LRRC3B: variants seen among roughly 807,000 people sequenced by gnomAD.
LRRC3B encodes the protein leucine-rich repeat-containing protein 3B.
Under a neutral mutation model 12.8 loss-of-function variants are expected in LRRC3B, and 2 were observed. The ratio of observed to expected loss-of-function variants is 0.16; its 90% CI spans 0.06 to 0.49. LRRC3B has a LOEUF of 0.49. LRRC3B is among the 20% of genes least tolerant of loss of function. LRRC3B has a pLI of 0.96. For missense variants in LRRC3B, 189 were observed against 319.4 expected, an observed-to-expected ratio of 0.59 and a Z score of 3.11; for synonymous variants, 132 against 122.0, an observed-to-expected ratio of 1.08 and a Z score of -0.54.
chr3:26,624,948 G>A (rs1484068650), intron 1 of LRRC3B: 1 of 152,204 alleles, frequency 6.6e-6, no homozygotes, highest in Non-Finnish European at 1.5e-5. Flanking sequence ...TCCTGGTGGG[G>A]GCACAGTGAC....
rs142724213 is a variant in LRRC3B at position 26,681,449 on chromosome 3, T to C, written c.-160-28064T>C. ...TGTCTCTGCTCAGCAAGAGAGAATA[T>C]TCCATAATGTCTATGAGCTCAGGCT... On this transcript the variant is annotated intron_variant, in intron 1 of 1. Transcript: ENST00000396641. Among the ~76,000 whole-genome samples the C allele has an allele frequency of 7.5e-3, 1,143 of 152,322 alleles. 16 individuals are homozygous for C. The highest frequency in any genetic ancestry group is 0.025 in the African/African-American group (1,035 of 41,572).
intron 1 of LRRC3B, among the ~76,000 whole-genome samples, chr3:26,659,912 T>C (rs1397936516): frequency 6.6e-6 from 1 of 152,200 alleles, no homozygotes; most frequent in Admixed American, 6.6e-5. Flanking sequence ...AGGTGTTTCA[T>C]GAGGAAAGTA....
intron 1 of LRRC3B, among the ~76,000 whole-genome samples, chr3:26,628,329 T>TA (rs1559347231): frequency 6.7e-6 from 1 of 149,358 alleles, no homozygotes; most frequent in African/African-American, 2.5e-5. Flanking sequence ...TGAAAAAAAA[T>TA]AATCAAGATT....
chr3:26,687,551 G>T (rs541252360), intron 1 of LRRC3B, among the ~76,000 whole-genome samples: 2 of 152,130 alleles, frequency 1.3e-5, no homozygotes, highest in Non-Finnish European at 2.9e-5. Flanking sequence ...GTTAGAGGGA[G>T]CTACCCCCAC....
At chr3:26,633,349 T>A (rs1698800376) in intron 1 of LRRC3B, among the ~76,000 whole-genome samples, 1 of 152,160 alleles carries the variant, frequency 6.6e-6, no homozygotes, top group East Asian at 1.9e-4. Context: ...ATGGGTATAA[T>A]AATAGGTAGT....
chr3:26,704,717 A>ATTAGT (rs1460857868), intron 1 of LRRC3B, among the ~76,000 whole-genome samples: 2 of 152,082 alleles, frequency 1.3e-5, no homozygotes, highest in African/African-American at 4.8e-5. Context: ...CATTTTTTAA[A>ATTAGT]TTAGTTTATC....
rs1195473054 is a variant in LRRC3B at position 26,671,373 on chromosome 3, T to TAGAGAGAGAGAGAGAGAGAGAGAGAG, written c.-160-38124_-160-38099dup. Among the ~76,000 whole-genome samples, 12 of 28,248 alleles carry TAGAGAGAGAGAGAGAGAGAGAGAGAG rather than the reference T, an allele frequency of 4.2e-4. 1 individual carries two copies. Among genetic ancestry groups the TAGAGAGAGAGAGAGAGAGAGAGAGAG allele is most frequent in the Admixed American group, 6.9e-4 (1 of 1,454 alleles). The allele number at this position is 28,248 out of a possible 152,430, so 18.5% of individuals were successfully genotyped here. On this transcript the variant is annotated intron_variant, in intron 1 of 1. Coordinates refer to ENST00000396641, the Ensembl canonical transcript of LRRC3B. ...GTGTATATATATATATATATATATA[T>TAGAGAGAGAGAGAGAGAGAGAGAGAG]AGAGAGAGAGAGAGAGAGAGAGAGA...
At chr3:26,695,889 G>A (rs938280034) in intron 1 of LRRC3B, among the ~76,000 whole-genome samples, 1 of 152,166 alleles carries the variant, frequency 6.6e-6, no homozygotes, top group Non-Finnish European at 1.5e-5. Context: ...GGGCATTTCG[G>A]CCTCCTCAGG....
chr3:26,649,914 C>T (rs1407632108), intron 1 of LRRC3B, among the ~76,000 whole-genome samples: 1 of 152,102 alleles, frequency 6.6e-6, no homozygotes, highest in Admixed American at 6.6e-5. Flanking sequence ...GTAGCCCCCA[C>T]TTGGAACTTT....
chr3:26,654,118 T>C (rs1699322171), intron 1 of LRRC3B, among the ~76,000 whole-genome samples: 3 of 152,196 alleles, frequency 2.0e-5, no homozygotes, highest in African/African-American at 7.2e-5. Flanking sequence ...AGAATCATGA[T>C]TTAAAATCTG....
intron 1 of LRRC3B, among the ~76,000 whole-genome samples, chr3:26,693,328 CAAAAAAAAAA>C (rs71950080): frequency 0.11 from 10,155 of 96,078 alleles, 1,047 homozygotes; most frequent in African/African-American, 0.24. Flanking sequence ...AACTCCGTCT[CAAAAAAAAAA>C]AAAAAAAAAA....
At chr3:26,670,073 G>C (rs1390146694) in intron 1 of LRRC3B, among the ~76,000 whole-genome samples, 1 of 152,120 alleles carries the variant, frequency 6.6e-6, no homozygotes, top group Non-Finnish European at 1.5e-5. Context: ...TATCAGTTTA[G>C]AGCTCCATGC....
chr3:26,646,792 A>G (rs1699160570), intron 1 of LRRC3B, among the ~76,000 whole-genome samples: 1 of 151,892 alleles, frequency 6.6e-6, no homozygotes, highest in Admixed American at 6.6e-5. Context: ...TAGCCTCCAG[A>G]TGGTAGGGTG....
intron 1 of LRRC3B, among the ~76,000 whole-genome samples, chr3:26,641,800 A>T (rs1363255608): frequency 2.0e-5 from 3 of 152,206 alleles, no homozygotes; most frequent in Non-Finnish European, 2.9e-5. Flanking sequence ...TTAAAAAATT[A>T]AAAAATGTTA....
chr3:26,666,420 G>A (rs1399144661), intron 1 of LRRC3B, among the ~76,000 whole-genome samples: 1 of 151,916 alleles, frequency 6.6e-6, no homozygotes. Context: ...AAGATTGGGG[G>A]GATTTTAAGG....
intron 1 of LRRC3B, among the ~76,000 whole-genome samples, chr3:26,663,050 T>C (rs1290809380): frequency 2.0e-5 from 3 of 152,136 alleles, no homozygotes; most frequent in Non-Finnish European, 4.4e-5. Flanking sequence ...TTCATGTTGA[T>C]TCCCAGTGCA....
intron 1 of LRRC3B, among the ~76,000 whole-genome samples, chr3:26,632,122 A>G (rs1180924380): frequency 1.3e-5 from 2 of 152,244 alleles, no homozygotes; most frequent in African/African-American, 2.4e-5. Flanking sequence ...ACACAAAAAG[A>G]GCAATAGCTG....
chr3:26,639,939 A>G (rs1483944786), intron 1 of LRRC3B, among the ~76,000 whole-genome samples: 18 of 152,150 alleles, frequency 1.2e-4, no homozygotes, highest in Admixed American at 1.2e-3. Context: ...CAGAAGGTTC[A>G]GGGGTGAGTT....
chr3:26,634,109 A>C (rs976174742), intron 1 of LRRC3B, among the ~76,000 whole-genome samples: 1 of 152,120 alleles, frequency 6.6e-6, no homozygotes, highest in Non-Finnish European at 1.5e-5. Context: ...CTGCAATTGA[A>C]ATTTCTTATT....
Sources: gnomAD v4.1 joint callset for allele counts (sites outside exome capture counted in the v4.1 genomes callset) on GRCh38, gnomAD v4.1.1 for gene constraint, MANE v1.5 for transcripts, NCBI Gene and HGNC (gene_info 2026-07-23, HGNC 2026-07-21) for gene names.